The following HIF1A variants were observed in gnomAD, a reference collection of about 807,000 sequenced individuals.
The protein encoded by HIF1A is hypoxia-inducible factor 1-alpha.
A neutral mutation model predicts 92.7 loss-of-function variants in HIF1A; 24 were observed. The observed-to-expected ratio is 0.26, with a 90% CI of 0.19 to 0.36. The LOEUF (loss-of-function observed/expected upper bound fraction) is 0.36, where lower values mean the gene tolerates loss of function less well. HIF1A is among the 10% of genes least tolerant of loss of function. HIF1A has a pLI of 1.00. For synonymous variants in HIF1A, 319 were observed against 338.7 expected, an observed-to-expected ratio of 0.94 and a Z score of 0.64; for missense variants, 799 against 998.5, an observed-to-expected ratio of 0.80 and a Z score of 2.69.
Position 61,726,725 on chromosome 14 carries a change from A to G in HIF1A, c.477A>G (p.Lys159=). 2 of 1,603,010 alleles carry G rather than the reference A, an allele frequency of 1.2e-6. No individual in the cohort carries two copies. Among genetic ancestry groups the G allele is most frequent in the Middle Eastern group, 1.7e-4 (1 of 6,022 alleles). Residue 159 remains lysine (K), a synonymous_variant, in exon 5 of 15, where the codon AAA becomes AAG. Transcript: ENST00000337138. ...THRNGLVKKG[K]EQNTQRSFFL... is the part of the protein sequence containing the mutation. ...CATTAGGCCTTGTGAAAAAGGGTAA[A>G]GAACAAAACACACAGCGAAGCTTTT...
chr14:61,709,957 T>C (rs1033676692), intron 1 of HIF1A, among the ~76,000 whole-genome samples: 8 of 152,234 alleles, frequency 5.3e-5, no homozygotes, highest in African/African-American at 1.7e-4. Flanking sequence ...AAAAAATTTG[T>C]GATCCTGGTA....
In HIF1A at chr14:61,732,362, TTTTC is replaced by T. The variant is rs2044586364; in HGVS notation, c.774-52_774-49del. The T allele has an allele frequency of 3.1e-5, 36 of 1,151,562 alleles. No homozygotes were observed. The South Asian group carries it at 4.0e-4, about 13-fold the overall frequency. The allele number at this position is 1,151,562 out of a possible 1,614,324, so 71.3% of individuals were successfully genotyped here. A position where few individuals can be genotyped will look rare whatever the true frequency, so the allele number is the denominator to read the frequency against. ...TCAGTTAACTTGGGAGGAGAAAAAT[TTTTC>T]TTTATCAGTGTCTCCCTTTTTTTTC... On this transcript the variant is annotated intron_variant, in intron 6 of 14. Coordinates refer to ENST00000337138, the MANE Select transcript of HIF1A (RefSeq NM_001530.4).
rs765188345 is a variant in HIF1A, at chr14:61,746,902, A to AT, written c.2330-31dup. On this transcript the variant is annotated intron_variant, in intron 14 of 14. Transcript: ENST00000337138. ...TAATAAATATTCATTGACTAGATGA[A>AT]TGTATACTTAGGTATCTCTTTTGTT... The AT allele has an allele frequency of 1.0e-5, 16 of 1,533,708 alleles. No homozygotes were observed. The African/African-American group carries it at 1.8e-4, about 17-fold the overall frequency.
chr14:61,704,911 AT>A (rs1446438628), intron 1 of HIF1A, among the ~76,000 whole-genome samples: 2 of 151,972 alleles, frequency 1.3e-5, no homozygotes, highest in African/African-American at 4.8e-5. Context: ...CCATTTTTAA[AT>A]TTTCAGTTCA....
In HIF1A at chr14:61,721,288, T is replaced by G. The variant is rs544728291; in HGVS notation, c.227-221T>G. 1.9e-3 allele frequency among the ~76,000 whole-genome samples: 286 copies of G among 152,240 alleles called. 1 individual carries two copies. Among genetic ancestry groups the G allele is most frequent in the African/African-American group, 6.7e-3 (280 of 41,554 alleles). On this transcript the variant is annotated intron_variant, in intron 2 of 14. Transcript: ENST00000337138. ...AAATAAAAAACATTACTCTTCTTTC[T>G]TCTTCTATGGTTTGCTTTGCTGCAT...
In HIF1A at chr14:61,727,459, C is replaced by A; in HGVS notation, c.577C>A (p.His193Asn). 6.2e-7 allele frequency: 1 copy of A among 1,611,254 alleles called. No homozygotes were observed. Among genetic ancestry groups the A allele is most frequent in the Non-Finnish European group, 8.5e-7 (1 of 1,177,642 alleles). Residue 193 changes from histidine to asparagine, a missense_variant, in exon 6 of 15, where the codon CAC (histidine) becomes AAC (asparagine). Coordinates refer to ENST00000337138, the MANE Select transcript of HIF1A (RefSeq NM_001530.4). The part of the protein sequence containing the change: ...NIKSATWKVL[H>N]CTGHIHVYDT... Reference sequence around the variant, plus strand: ...CTTTGTTCTTCATACACAGGTATTGCACTGCACAGGCCACATTCACGTATA... The same window carrying A: ...CTTTGTTCTTCATACACAGGTATTGAACTGCACAGGCCACATTCACGTATA...
chr14:61,718,004 A>G (rs1158118356), intron 1 of HIF1A, among the ~76,000 whole-genome samples: 1 of 140,272 alleles, frequency 7.1e-6, no homozygotes, highest in Non-Finnish European at 1.6e-5. Flanking sequence ...CTGGGTGACA[A>G]GAGCAGAACT....
chr14:61,737,764 C>A (rs1180558702), intron 9 of HIF1A, among the ~76,000 whole-genome samples: 1 of 152,136 alleles, frequency 6.6e-6, no homozygotes, highest in South Asian at 2.1e-4. Context: ...CAGTGGCTCA[C>A]GCCTGTAATC....
At position 61,723,916 on chromosome 14, in the gene HIF1A, T is replaced by C. The variant is rs188690727; in HGVS notation, c.457+2093T>C. 1.0e-3 allele frequency among the ~76,000 whole-genome samples: 152 copies of C among 152,322 alleles called. 2 individuals carry two copies. The highest frequency in any genetic ancestry group is 2.5e-3 in the Admixed American group (38 of 15,302). On this transcript the variant is annotated intron_variant, in intron 4 of 14. Coordinates refer to ENST00000337138, the MANE Select transcript of HIF1A (RefSeq NM_001530.4). ...TTCCATTGGGAAACTAAAATGCAGA[T>C]TTTTCTCTTTTAGAAATCAGGGACT... is the stretch of plus-strand genomic sequence containing the variant.
At chr14:61,702,927 C>T (rs770518955) in intron 1 of HIF1A, among the ~76,000 whole-genome samples, 1 of 152,114 alleles carries the variant, frequency 6.6e-6, no homozygotes. Context: ...TTTTTCCCAT[C>T]TAAATAGTGA....
At chr14:61,722,981 CAAG>C (rs1012808427) in intron 4 of HIF1A, among the ~76,000 whole-genome samples, 4 of 152,098 alleles carry the variant, frequency 2.6e-5, no homozygotes, top group African/African-American at 9.7e-5. Flanking sequence ...ATTACAAAAA[CAAG>C]AAAGTCTTTC....
intron 6 of HIF1A, among the ~76,000 whole-genome samples, chr14:61,732,090 C>T (rs567469618): frequency 5.9e-5 from 9 of 152,062 alleles, no homozygotes; most frequent in African/African-American, 1.9e-4. Flanking sequence ...GAGCCAAGAT[C>T]ACACCTCATT....
chr14:61,714,496 G>C (rs986774997), intron 1 of HIF1A, among the ~76,000 whole-genome samples: 2 of 152,136 alleles, frequency 1.3e-5, no homozygotes, highest in African/African-American at 4.8e-5. Flanking sequence ...TTGAGGATTA[G>C]ACCTTGAGAG....
chr14:61,695,940 G>A, intron 1 of HIF1A, 101 bp downstream of exon 1: 2 of 1,113,892 alleles, frequency 1.8e-6, no homozygotes, highest in South Asian at 2.8e-5. Flanking sequence ...GGGATTGGGG[G>A]GGGCAGCCTT....
Position 61,716,842 on chromosome 14 carries a change from G to A in HIF1A, c.36-3540G>A, listed in dbSNP as rs535522443. On this transcript the variant is annotated intron_variant, in intron 1 of 14. Coordinates refer to ENST00000337138, the MANE Select transcript of HIF1A (RefSeq NM_001530.4). ...TGTTAAATAATAAAATGGTAAGCATGTAAAAACTACAATACCACAAAGATT... is the reference window on the plus strand; with the variant it reads ...TGTTAAATAATAAAATGGTAAGCATATAAAAACTACAATACCACAAAGATT... The A allele has an allele frequency of 2.0e-5, 3 of 152,248 alleles. No homozygotes were observed. The East Asian group carries it at 5.8e-4, about 29-fold the overall frequency. The allele number at this position is 152,248 out of a possible 1,614,324, so 9.4% of individuals were successfully genotyped here.
intron 6 of HIF1A, among the ~76,000 whole-genome samples, chr14:61,730,041 A>G (rs1391542371): frequency 6.6e-6 from 1 of 152,224 alleles, no homozygotes; most frequent in Admixed American, 6.5e-5. Flanking sequence ...TATACTGAGT[A>G]ATAATCATTT....
chr14:61,701,311 A>G (rs1416973225), intron 1 of HIF1A, among the ~76,000 whole-genome samples: 2 of 152,198 alleles, frequency 1.3e-5, no homozygotes, highest in African/African-American at 4.8e-5. Context: ...TGTAAATGGG[A>G]AAATGTAGTG....
chr14:61,718,020 A>T (rs1238430332), intron 1 of HIF1A, among the ~76,000 whole-genome samples: 1 of 33,390 alleles, frequency 3.0e-5, no homozygotes, highest in Non-Finnish European at 2.1e-4. Flanking sequence ...GAACTCCATT[A>T]AAAAAAAAAA....
At chr14:61,720,743 ATTT>A (rs1176482387) in intron 2 of HIF1A, among the ~76,000 whole-genome samples, 171 bp downstream of exon 2, 1 of 152,044 alleles carries the variant, frequency 6.6e-6, no homozygotes, top group South Asian at 2.1e-4. Flanking sequence ...ATCAAGCTTC[ATTT>A]TTTTCTCATC....
Sources: gnomAD v4.1 joint callset for allele counts (sites outside exome capture counted in the v4.1 genomes callset) on GRCh38, gnomAD v4.1.1 for gene constraint, MANE v1.5 for transcripts, NCBI Gene and HGNC (gene_info 2026-07-23, HGNC 2026-07-21) for gene names.